Variants in USP6NL observed in about 807,000 individuals in gnomAD.
USP6NL encodes USP6 N-terminal like.
In USP6NL, 26 loss-of-function variants were observed where a neutral mutation model predicts 61.9. The observed-to-expected ratio is 0.42, with a 90% CI of 0.31 to 0.58. USP6NL has a LOEUF of 0.58. Ranked by LOEUF, USP6NL falls within the 20% of genes least tolerant of loss-of-function variation. The probability of loss-of-function intolerance (pLI) is 0.16; values close to 1 mark genes in which losing one functional copy is unlikely to be tolerated. For missense variants in USP6NL, 1,114 were observed against 1,034.3 expected (o/e 1.08, Z -1.06); for synonymous variants, 432 against 390.1 (o/e 1.11, Z -1.27).
In USP6NL at chr10:11,462,424, C is replaced by G; in HGVS notation, c.*17G>C. 2 of 1,605,058 alleles carry G rather than the reference C, an allele frequency of 1.2e-6. No homozygotes were observed. Among genetic ancestry groups the G allele is most frequent in the Non-Finnish European group, 1.7e-6 (2 of 1,175,438 alleles). On this transcript the variant is annotated 3_prime_UTR_variant, in exon 15 of 15. Coordinates refer to ENST00000609104, the MANE Select transcript of USP6NL (RefSeq NM_014688.5). The stretch of plus-strand genomic sequence containing the variant: ...CACGTGGTTTCTCTCTCGTCTTTAG[C>G]AAGTACACGTCAAATCTCACAGCAA...
At chr10:11,570,140 C>G (rs1837304620) in intron 2 of USP6NL, among the ~76,000 whole-genome samples, 2 of 152,166 alleles carry the variant, frequency 1.3e-5, no homozygotes, top group African/African-American at 4.8e-5. Context: ...CTTCAGTCCT[C>G]TCACCACCAA....
chr10:11,509,545 C>G, intron 6 of USP6NL, 50 bp downstream of exon 6: 1 of 1,396,912 alleles, frequency 7.2e-7, no homozygotes, highest in Non-Finnish European at 9.7e-7. Flanking sequence ...CTATGAAAAT[C>G]CACATTGAGT....
chr10:11,580,497 C>CTTA (rs1463080906), intron 2 of USP6NL, among the ~76,000 whole-genome samples: 1 of 152,058 alleles, frequency 6.6e-6, no homozygotes, highest in Non-Finnish European at 1.5e-5. Context: ...ACAACAAGAA[C>CTTA]TTAATAAAGT....
intron 2 of USP6NL, among the ~76,000 whole-genome samples, chr10:11,588,641 T>C (rs1051270207): frequency 1.3e-5 from 2 of 152,208 alleles, no homozygotes; most frequent in African/African-American, 2.4e-5. Flanking sequence ...GAAAACTTTG[T>C]AGATCTAGAC....
rs1051363643 is a variant in USP6NL, at chr10:11,460,571, AT to A, written c.*1869del. 4 of 149,914 alleles carry A rather than the reference AT, an allele frequency of 2.7e-5. No individual in the cohort carries two copies. Among genetic ancestry groups the A allele is most frequent in the Admixed American group, 6.7e-5 (1 of 15,020 alleles). The allele number at this position is 149,914 out of a possible 1,614,324, so 9.3% of individuals were successfully genotyped here. A position where few individuals can be genotyped will look rare whatever the true frequency, so the allele number is the denominator to read the frequency against. On this transcript the variant is annotated 3_prime_UTR_variant, in exon 15 of 15. Transcript: ENST00000609104. ...CATCAAAAAAGTATACAGATAAAAA[AT>A]GTCATAAATGACATAAGAAAATAGT...
At chr10:11,607,994 A>G (rs1167657084) in intron 1 of USP6NL, among the ~76,000 whole-genome samples, 1 of 152,212 alleles carries the variant, frequency 6.6e-6, no homozygotes, top group Non-Finnish European at 1.5e-5. Context: ...ATGAAACTCC[A>G]GAGTAACTCC....
rs1833451322 is a variant in USP6NL at position 11,485,988 on chromosome 10, C to A, written c.665-77G>T. On this transcript the variant is annotated intron_variant, in intron 10 of 14. Transcript: ENST00000609104. The surrounding 1 kb of genome is among the most constrained non-coding windows in gnomAD (Gnocchi z 4.8). Reference sequence around the variant, plus strand: ...TCCAATCTTAAAACACAACATATTTCATTTGTAACTGTCAAAAATAAAAAG... The same window carrying A: ...TCCAATCTTAAAACACAACATATTTAATTTGTAACTGTCAAAAATAAAAAG... 3 of 991,178 alleles carry A rather than the reference C, an allele frequency of 3.0e-6. No homozygotes were observed. The highest frequency in any genetic ancestry group is 3.5e-5 in the South Asian group (2 of 56,950). The allele number at this position is 991,178 out of a possible 1,614,324, so 61.4% of individuals were successfully genotyped here.
In USP6NL at chr10:11,468,842, G is replaced by A. The variant is rs1832596763; in HGVS notation, c.1079-4993C>T. On this transcript the variant is annotated intron_variant, in intron 14 of 14. Coordinates refer to ENST00000609104, the MANE Select transcript of USP6NL (RefSeq NM_014688.5). This position sits in a 1 kb window ranked among gnomAD's most constrained non-coding sequence, Gnocchi z 4.5. ...AATATAAGGCATGTGTTTCTTAGGA[G>A]AAAGAAAAAACCAATTGAGAAGTAA... is the stretch of plus-strand genomic sequence containing the variant. Among the ~76,000 whole-genome samples the A allele has an allele frequency of 6.6e-6, 1 of 152,088 alleles. No individual in the cohort carries two copies. The highest frequency in any genetic ancestry group is 2.4e-5 in the African/African-American group (1 of 41,412).
intron 2 of USP6NL, among the ~76,000 whole-genome samples, chr10:11,565,805 C>T (rs1449884042): frequency 6.6e-6 from 1 of 152,110 alleles, no homozygotes; most frequent in Non-Finnish European, 1.5e-5. Context: ...AGGAGGAGTA[C>T]ATTTCTAATG....
chr10:11,485,783 T>G lies in USP6NL; in HGVS notation c.759+34A>C, dbSNP rs1833438263. ...ATCCCAGCTTTTTTTGGGGGGTGGG[T>G]AGGTGGGTGTAAGTCAGTGGCACAT... On this transcript the variant is annotated intron_variant, in intron 11 of 14. Coordinates refer to ENST00000609104, the MANE Select transcript of USP6NL (RefSeq NM_014688.5). The surrounding 1 kb of genome is among the most constrained non-coding windows in gnomAD (Gnocchi z 4.8). 2 of 1,397,108 alleles carry G rather than the reference T, an allele frequency of 1.4e-6. No homozygotes were observed. The highest frequency in any genetic ancestry group is 2.9e-5 in the African/African-American group (2 of 68,752). 86.5% of individuals were successfully genotyped at this position (1,397,108 alleles called of 1,614,324 possible). A position where few individuals can be genotyped will look rare whatever the true frequency, so the allele number is the denominator to read the frequency against.
At chr10:11,505,996 C>T (rs1398647228) in intron 6 of USP6NL, among the ~76,000 whole-genome samples, 1 of 152,190 alleles carries the variant, frequency 6.6e-6, no homozygotes, top group African/African-American at 2.4e-5. Flanking sequence ...CAAGGCCCTA[C>T]TGTGTTTTAT....
intron 2 of USP6NL, among the ~76,000 whole-genome samples, chr10:11,580,828 T>C (rs1190995952): frequency 6.6e-6 from 1 of 152,070 alleles, no homozygotes; most frequent in South Asian, 2.1e-4. Context: ...GATGGATGGA[T>C]TGATGGAGGA....
At chr10:11,526,743 C>T (rs1835436187) in intron 3 of USP6NL, among the ~76,000 whole-genome samples, 1 of 152,074 alleles carries the variant, frequency 6.6e-6, no homozygotes, top group Non-Finnish European at 1.5e-5. Context: ...CAAAACATGA[C>T]ATTTATAAAT....
chr10:11,583,019 A>G (rs1442751289), intron 2 of USP6NL, among the ~76,000 whole-genome samples: 1 of 150,958 alleles, frequency 6.6e-6, no homozygotes, highest in African/African-American at 2.4e-5. Context: ...CCAGCATTAA[A>G]TAAATAATTA....
intron 7 of USP6NL, 96 bp downstream of exon 7, chr10:11,501,005 A>T: frequency 2.2e-6 from 2 of 927,010 alleles, no homozygotes; most frequent in Non-Finnish European, 3.0e-6. Context: ...ATATAATTTT[A>T]AGTGATCATA....
At position 11,516,423 on chromosome 10, in the gene USP6NL, T is replaced by C. The variant is rs1210383699; in HGVS notation, c.195+2112A>G. On this transcript the variant is annotated intron_variant, in intron 5 of 14. Coordinates refer to ENST00000609104, the MANE Select transcript of USP6NL (RefSeq NM_014688.5). ...TGTAAACTTTTTTTAATTCATTTCC[T>C]GGAAATGGTAAAACTTGGCTACTAG... is the stretch of plus-strand genomic sequence containing the variant. Among the ~76,000 whole-genome samples, 10 of 152,348 alleles carry C rather than the reference T, an allele frequency of 6.6e-5. No individual in the cohort carries two copies. In the South Asian group the frequency reaches 1.7e-3, roughly 25 times the overall value.
At chr10:11,546,568 ATTG>A (rs5783219) in intron 2 of USP6NL, among the ~76,000 whole-genome samples, 47,432 of 151,128 alleles carry the variant, frequency 0.31, 7,913 homozygotes, top group East Asian at 0.66. Flanking sequence ...TGTCCGGCTA[ATTG>A]TTGTTGTTGT....
chr10:11,506,734 AT>A (rs61090708), intron 6 of USP6NL, among the ~76,000 whole-genome samples: 16,233 of 146,686 alleles, frequency 0.11, 942 homozygotes, highest in South Asian at 0.2. Context: ...CCTTAACAGA[AT>A]TTTTTTTTTT....
At chr10:11,529,442 C>A (rs1454016250) in intron 2 of USP6NL, among the ~76,000 whole-genome samples, 1 of 152,208 alleles carries the variant, frequency 6.6e-6, no homozygotes, top group Non-Finnish European at 1.5e-5. Context: ...CCAATGAGAT[C>A]ATCAAACAAG....
Sources: gnomAD v4.1 joint callset for allele counts (sites outside exome capture counted in the v4.1 genomes callset) on GRCh38, gnomAD v4.1.1 for gene constraint, Gnocchi (gnomAD v3.1) non-coding constraint, MANE v1.5 for transcripts, NCBI Gene and HGNC (gene_info 2026-07-23, HGNC 2026-07-21) for gene names.